The following MYH15 variants were observed in gnomAD, a reference collection of about 807,000 sequenced individuals.
MYH15 encodes myosin-15.
MYH15 carries 227 observed loss-of-function variants against 240.5 expected under a neutral mutation model. The observed-to-expected ratio is 0.94, with a 90% CI of 0.85 to 1.05. The LOEUF is 1.05. Among genes scored for constraint, MYH15 ranks in the 50% least tolerant of loss-of-function variants. The pLI is 0.00. For synonymous variants in MYH15, 785 were observed against 796.7 expected, an observed-to-expected ratio of 0.99 and a Z score of 0.25; for missense variants, 2,217 against 2,247.5, an observed-to-expected ratio of 0.99 and a Z score of 0.27.
At chr3:108,499,047 C>A (rs2083415710) in intron 5 of MYH15, among the ~76,000 whole-genome samples, 2 of 152,200 alleles carry the variant, frequency 1.3e-5, no homozygotes, top group Non-Finnish European at 2.9e-5. Context: ...TGTACTTTGA[C>A]CTGCCCCAAT....
exon 1 of MYH15, chr3:108,510,592 AAAAAAAAAATTGATACAGAGAAG>A: frequency 6.3e-7 from 1 of 1,575,594 alleles, no homozygotes; most frequent in Non-Finnish European, 8.6e-7. Context: ...TTCAACCTGA[AAAAAAAAAATTGATACAGAGAAG>A]AAAAAAGTGG....
intron 12 of MYH15, among the ~76,000 whole-genome samples, chr3:108,472,524 C>T (rs143771420): frequency 1.2e-4 from 18 of 152,262 alleles, no homozygotes; most frequent in African/African-American, 2.4e-4. Flanking sequence ...AGAGCACACA[C>T]GTACAAATAA....
Position 108,394,126 on chromosome 3 carries a change from G to A in MYH15, c.5164C>T (p.Leu1722=). ...NTSLLSQKKK[L]EADVARMQKE... ...TGCATCCGGGCAACATCAGCCTCCA[G>A]TTTCTTCTTCTGGCTGAGGAGGCTT... Residue 1722 remains leucine, a synonymous_variant, in exon 36 of 41, where the codon CTG becomes TTG. Coordinates refer to ENST00000693548, the MANE Select transcript of MYH15 (RefSeq NM_014981.3). The A allele has an allele frequency of 1.2e-6, 2 of 1,614,088 alleles. No individual in the cohort carries two copies. The highest frequency in any genetic ancestry group is 1.7e-6 in the Non-Finnish European group (2 of 1,179,962).
intron 35 of MYH15, 73 bp downstream of exon 35, chr3:108,398,564 G>C: frequency 3.4e-6 from 5 of 1,483,672 alleles, no homozygotes; most frequent in Non-Finnish European, 4.7e-6. Context: ...CATGGTCCAA[G>C]GCCGCCCCAA....
At chr3:108,537,194 C>T in the MYH15 span, among the ~76,000 whole-genome samples, 2 of 152,190 alleles carry the variant, frequency 1.3e-5, no homozygotes, top group African/African-American at 4.8e-5. Flanking sequence ...CAGGTATGAT[C>T]ATTCCTCTAA....
At position 108,470,807 on chromosome 3, in the gene MYH15, T is replaced by C; in HGVS notation, c.1274A>G (p.Glu425Gly). Residue 425 changes from glutamate (E) to glycine (G), a missense_variant, in exon 13 of 41, where the codon GAA (glutamate) becomes GGA (glycine). Transcript: ENST00000693548. ...AVGALSKSMY[E>G]RMFKWLVARI... ...TGCCACTAGCCACTTAAACATCCTT[T>C]CATACATTGACTTGGACAGGGCACC... The C allele has an allele frequency of 2.5e-6, 4 of 1,613,890 alleles. No individual in the cohort carries two copies. The highest frequency in any genetic ancestry group is 3.4e-6 in the Non-Finnish European group (4 of 1,179,850).
intron 9 of MYH15, among the ~76,000 whole-genome samples, chr3:108,491,537 C>T (rs548738152): frequency 6.6e-6 from 1 of 152,126 alleles, no homozygotes; most frequent in African/African-American, 2.4e-5. Flanking sequence ...TTTTCCCCCA[C>T]CCTTCCATTC....
At chr3:108,422,130 T>G (rs1406084321) in intron 27 of MYH15, among the ~76,000 whole-genome samples, 1 of 152,190 alleles carries the variant, frequency 6.6e-6, no homozygotes. Flanking sequence ...TCAGAAACAG[T>G]AAAATTACAT....
At chr3:108,476,334 T>C in intron 12 of MYH15, 63 bp downstream of exon 12, 1 of 1,102,036 alleles carries the variant, frequency 9.1e-7, no homozygotes, top group Non-Finnish European at 1.4e-6. Context: ...AAATATACAG[T>C]ACAATATATA....
chr3:108,533,996 T>A (rs181645205), upstream of MYH15, among the ~76,000 whole-genome samples: 43 of 152,318 alleles, frequency 2.8e-4, no homozygotes, highest in Middle Eastern at 3.4e-3. Flanking sequence ...AAGCATTTTT[T>A]AAAAAATACT....
chr3:108,430,766 T>C, intron 26 of MYH15, 66 bp downstream of exon 26: 1 of 1,267,224 alleles, frequency 7.9e-7, no homozygotes, highest in Non-Finnish European at 1.1e-6. Flanking sequence ...GAATTAGTCA[T>C]TGAACCACCA....
At chr3:108,468,106 C>T (rs1280133014) in intron 14 of MYH15, among the ~76,000 whole-genome samples, 1 of 152,074 alleles carries the variant, frequency 6.6e-6, no homozygotes, top group Non-Finnish European at 1.5e-5. Context: ...GCTGTGACTA[C>T]AGGCATGCGC....
chr3:108,476,488 C>A lies in MYH15; in HGVS notation c.1142G>T (p.Gly381Val). The A allele has an allele frequency of 5.0e-6, 8 of 1,612,500 alleles. No individual in the cohort carries two copies. Among genetic ancestry groups the A allele is most frequent in the African/African-American group, 1.3e-5 (1 of 74,936 alleles). Residue 381 changes from glycine (G) to valine (V), a missense_variant, in exon 12 of 41, where the codon GGC becomes GTC. Transcript: ENST00000693548. ...CTTTACCAACTCAGAGGAGTTAATGCCCATGAGGAAAGCAGCTTTGTCAGC... is the reference window on the plus strand; with the variant it reads ...CTTTACCAACTCAGAGGAGTTAATGACCATGAGGAAAGCAGCTTTGTCAGC... ...ENADKAAFLM[G>V]INSSELVKCL...
chr3:108,430,477 G>T (rs1253003369), intron 26 of MYH15, among the ~76,000 whole-genome samples: 1 of 152,182 alleles, frequency 6.6e-6, no homozygotes, highest in Non-Finnish European at 1.5e-5. Flanking sequence ...TGCATACCAT[G>T]GGTCAGGCAC....
At chr3:108,439,965 A>AT in intron 23 of MYH15, 52 bp from the exon 24 acceptor site, 10 of 1,455,138 alleles carry the variant, frequency 6.9e-6, no homozygotes, top group Non-Finnish European at 9.2e-6. Flanking sequence ...AAAGTTGGGC[A>AT]TAACACTGAG....
upstream of MYH15, among the ~76,000 whole-genome samples, chr3:108,513,635 A>C (rs1470759357): frequency 6.6e-6 from 1 of 152,200 alleles, no homozygotes; most frequent in African/African-American, 2.4e-5. Context: ...TATTTAAATC[A>C]GGACAACAAA....
intron 8 of MYH15, 65 bp downstream of exon 8, chr3:108,493,049 A>AAG: frequency 4.6e-6 from 3 of 654,458 alleles, no homozygotes; most frequent in Non-Finnish European, 7.2e-6. Context: ...AAGGAAGGAA[A>AAG]GAGAAGGGAA....
intron 1 of MYH15, among the ~76,000 whole-genome samples, chr3:108,526,821 T>C (rs1460597585): frequency 6.6e-6 from 1 of 152,154 alleles, no homozygotes; most frequent in Non-Finnish European, 1.5e-5. Flanking sequence ...GAGTCTTGCA[T>C]GTGGCTGAGG....
intron 17 of MYH15, 68 bp from the exon 18 acceptor site, chr3:108,459,517 A>G (rs909703234): frequency 1.3e-4 from 113 of 849,106 alleles, no homozygotes; most frequent in Non-Finnish European, 2.0e-4. Flanking sequence ...TCCACCTCAC[A>G]AATGTCTCCA....
Sources: gnomAD v4.1 joint callset for allele counts (sites outside exome capture counted in the v4.1 genomes callset) on GRCh38, gnomAD v4.1.1 for gene constraint, MANE v1.5 for transcripts, NCBI Gene and HGNC (gene_info 2026-07-23, HGNC 2026-07-21) for gene names.